The following NUCB2 variants were observed in gnomAD, a reference collection of about 807,000 sequenced individuals.
NUCB2 encodes the protein nucleobindin-2.
A neutral mutation model predicts 57.9 loss-of-function variants in NUCB2; 48 were observed. That is an observed-to-expected ratio of 0.83 (90% confidence interval 0.66 to 1.05). The LOEUF (loss-of-function observed/expected upper bound fraction) is 1.05. NUCB2 is among the 50% of genes least tolerant of loss of function. The pLI is 0.00. For missense variants in NUCB2, 442 were observed against 476.2 expected, an observed-to-expected ratio of 0.93 and a Z score of 0.67; for synonymous variants, 139 against 152.1, an observed-to-expected ratio of 0.91 and a Z score of 0.64.
chr11:17,338,700 GTCAC>G (rs1318568350), intron 2 of NUCB2, among the ~76,000 whole-genome samples: 1 of 152,000 alleles, frequency 6.6e-6, no homozygotes, highest in African/African-American at 2.4e-5. Flanking sequence ...GTCTTGCCCT[GTCAC>G]TCAGGCTGGA....
chr11:17,333,846 CAA>C (rs1161893759), downstream of NUCB2: 2 of 152,192 alleles, frequency 1.3e-5, no homozygotes, highest in Non-Finnish European at 2.9e-5. Flanking sequence ...ATATGGTAGA[CAA>C]AGAGCAATTC....
intron 2 of NUCB2, among the ~76,000 whole-genome samples, chr11:17,284,782 T>C (rs1400439204): frequency 6.6e-6 from 1 of 152,190 alleles, no homozygotes; most frequent in Non-Finnish European, 1.5e-5. Flanking sequence ...TTCATGACTT[T>C]TAATTTTTTT....
intron 6 of NUCB2, among the ~76,000 whole-genome samples, chr11:17,310,174 A>G (rs1166178623): frequency 2.0e-5 from 3 of 152,168 alleles, no homozygotes; most frequent in Admixed American, 6.5e-5. Context: ...GATTAGTTAA[A>G]TGGTTAGAAG....
intron 11 of NUCB2, among the ~76,000 whole-genome samples, chr11:17,325,158 A>C (rs1011241610): frequency 6.6e-6 from 1 of 152,188 alleles, no homozygotes; most frequent in African/African-American, 2.4e-5. Flanking sequence ...TGTGTACTCT[A>C]TAGCTGTTGG....
intron 1 of NUCB2, among the ~76,000 whole-genome samples, chr11:17,279,773 C>T (rs1008829881): frequency 8.3e-5 from 11 of 133,114 alleles, no homozygotes; most frequent in African/African-American, 2.8e-4. Context: ...TTATTTTTGG[C>T]AGAGCATTTT....
intron 6 of NUCB2, among the ~76,000 whole-genome samples, chr11:17,310,073 G>A (rs1431657348): frequency 6.6e-6 from 1 of 152,128 alleles, no homozygotes; most frequent in African/African-American, 2.4e-5. Context: ...AGAAAATTCT[G>A]AGCACATCTG....
intron 4 of NUCB2, among the ~76,000 whole-genome samples, chr11:17,299,167 C>G (rs1403486002): frequency 6.6e-6 from 1 of 152,174 alleles, no homozygotes; most frequent in Non-Finnish European, 1.5e-5. Flanking sequence ...AGTGAACATC[C>G]TAACATCTTT....
intron 2 of NUCB2, among the ~76,000 whole-genome samples, chr11:17,288,552 C>CTTCTTTTTT (rs1375589442): frequency 9.9e-5 from 10 of 101,174 alleles, no homozygotes; most frequent in African/African-American, 2.2e-4. Flanking sequence ...TCTTCTTCTT[C>CTTCTTTTTT]TTTTTTTTTT....
At chr11:17,347,666 A>AATAATTTT (rs1591662294) in intron 2 of NUCB2, among the ~76,000 whole-genome samples, 1 of 152,192 alleles carries the variant, frequency 6.6e-6, no homozygotes, top group Non-Finnish European at 1.5e-5. Context: ...TGTCCTTTAT[A>AATAATTTT]ATAATTTTTT....
At chr11:17,305,903 G>T (rs1947555914) in intron 5 of NUCB2, among the ~76,000 whole-genome samples, 1 of 152,106 alleles carries the variant, frequency 6.6e-6, no homozygotes, top group African/African-American at 2.4e-5. Flanking sequence ...AGGGATTATA[G>T]GTGTATGCCA....
intron 2 of NUCB2, among the ~76,000 whole-genome samples, chr11:17,348,248 TA>T (rs1272259371): frequency 4.0e-5 from 6 of 151,696 alleles, no homozygotes; most frequent in Non-Finnish European, 5.9e-5. Context: ...TGGACACTTT[TA>T]AAGAGTCCTT....
intron 11 of NUCB2, among the ~76,000 whole-genome samples, chr11:17,322,115 A>G (rs184932560): frequency 6.6e-6 from 1 of 151,824 alleles, no homozygotes; most frequent in Non-Finnish European, 1.5e-5. Flanking sequence ...TGATTTGTCT[A>G]TTTTTGCTTT....
chr11:17,308,222 C>G (rs1193432043), intron 5 of NUCB2, among the ~76,000 whole-genome samples: 1 of 152,164 alleles, frequency 6.6e-6, no homozygotes, highest in Admixed American at 6.5e-5. Context: ...TGAGCCATTT[C>G]TCTGAGGAGC....
chr11:17,317,388 A>G (rs1206387507), intron 11 of NUCB2, among the ~76,000 whole-genome samples: 2 of 152,210 alleles, frequency 1.3e-5, no homozygotes, highest in East Asian at 3.8e-4. Context: ...ACTTTAATCT[A>G]AAATACTTGA....
intron 2 of NUCB2, among the ~76,000 whole-genome samples, chr11:17,290,387 G>C (rs1231586331): frequency 6.6e-6 from 1 of 152,128 alleles, no homozygotes; most frequent in African/African-American, 2.4e-5. Context: ...TGTTGCTGTT[G>C]CTATGTGGCT....
At chr11:17,345,789 G>T (rs1263799060) in intron 2 of NUCB2, among the ~76,000 whole-genome samples, 1 of 152,164 alleles carries the variant, frequency 6.6e-6, no homozygotes, top group Non-Finnish European at 1.5e-5. Flanking sequence ...CTAGCTTGAA[G>T]ATTACTTAGA....
At chr11:17,279,587 T>C (rs938528730) in intron 1 of NUCB2, among the ~76,000 whole-genome samples, 1 of 152,168 alleles carries the variant, frequency 6.6e-6, no homozygotes, top group Non-Finnish European at 1.5e-5. Flanking sequence ...ATGAAAGTTA[T>C]ATGAATGTGA....
chr11:17,311,637 G>GA (rs1298624778), intron 8 of NUCB2, among the ~76,000 whole-genome samples: 1 of 151,620 alleles, frequency 6.6e-6, no homozygotes, highest in Non-Finnish European at 1.5e-5. Flanking sequence ...TATATTTTTG[G>GA]AAAAAAATGG....
intron 6 of NUCB2, among the ~76,000 whole-genome samples, chr11:17,310,233 CTTCT>C (rs1325553087): frequency 1.4e-5 from 2 of 141,622 alleles, no homozygotes; most frequent in South Asian, 2.3e-4. Flanking sequence ...TTCCTTTCTT[CTTCT>C]TTTTTTTTTT....
Sources: allele counts gnomAD v4.1 joint callset (sites outside exome capture counted in the v4.1 genomes callset), GRCh38; gene constraint gnomAD v4.1.1; transcripts MANE v1.5; gene names NCBI Gene and HGNC (gene_info 2026-07-23, HGNC 2026-07-21).